Variants in HS3ST2 observed in about 807,000 individuals in gnomAD.
HS3ST2 encodes the protein heparan sulfate-glucosamine 3-sulfotransferase 2.
In HS3ST2, 17 loss-of-function variants were observed where a neutral mutation model predicts 26.3. That is an observed-to-expected ratio of 0.65 (90% confidence interval 0.44 to 0.97). HS3ST2 has a LOEUF of 0.97. Among genes scored for constraint, HS3ST2 ranks in the 50% least tolerant of loss-of-function variants. The probability of loss-of-function intolerance (pLI) is 0.00; values close to 1 mark genes in which losing one functional copy is unlikely to be tolerated. For synonymous variants in HS3ST2, 237 were observed against 219.2 expected, an observed-to-expected ratio of 1.08 and a Z score of -0.72; for missense variants, 402 against 501.2, an observed-to-expected ratio of 0.80 and a Z score of 1.89.
At chr16:22,829,486 T>A (rs1021589614) in intron 1 of HS3ST2, among the ~76,000 whole-genome samples, 5 of 151,888 alleles carry the variant, frequency 3.3e-5, no homozygotes, top group Non-Finnish European at 5.9e-5. Context: ...TAGCTTTTTT[T>A]TAAAAAGAAA....
At chr16:22,850,509 G>A (rs973587934) in intron 1 of HS3ST2, among the ~76,000 whole-genome samples, 4 of 152,022 alleles carry the variant, frequency 2.6e-5, no homozygotes, top group African/African-American at 7.2e-5. Context: ...CATATAAGTC[G>A]GGCGCAGTGG....
intron 1 of HS3ST2, among the ~76,000 whole-genome samples, chr16:22,825,175 C>T (rs1326413770): frequency 1.3e-5 from 2 of 152,196 alleles, no homozygotes; most frequent in African/African-American, 2.4e-5. Context: ...TGTGTGCCAA[C>T]CAGAGGCTTC....
At chr16:22,833,213 C>T (rs983029908) in intron 1 of HS3ST2, 12 of 455,898 alleles carry the variant, frequency 2.6e-5, no homozygotes, top group Middle Eastern at 3.2e-4. Flanking sequence ...ACAAGGCACC[C>T]CTGCATTCTT....
chr16:22,821,326 C>CATGCTTTGGTA (rs887205090), intron 1 of HS3ST2, among the ~76,000 whole-genome samples: 3 of 151,392 alleles, frequency 2.0e-5, no homozygotes, highest in East Asian at 3.9e-4. Context: ...CTATTACCTG[C>CATGCTTTGGTA]ATGCTTTGGT....
chr16:22,845,603 G>A (rs1473172976), intron 1 of HS3ST2, among the ~76,000 whole-genome samples: 2 of 151,858 alleles, frequency 1.3e-5, no homozygotes, highest in South Asian at 2.1e-4. Context: ...TGCCTGCCTC[G>A]GCCTCCCAAA....
intron 1 of HS3ST2, among the ~76,000 whole-genome samples, chr16:22,868,540 G>GT (rs1222500123): frequency 6.6e-6 from 1 of 151,188 alleles, no homozygotes; most frequent in East Asian, 2.0e-4. Flanking sequence ...TTATTTCCAT[G>GT]TATATCAGCT....
chr16:22,820,678 A>G (rs1285589810), intron 1 of HS3ST2, among the ~76,000 whole-genome samples: 2 of 152,254 alleles, frequency 1.3e-5, no homozygotes, highest in Admixed American at 6.5e-5. Context: ...GGTCCCTCTG[A>G]CAACATGTGG....
intron 1 of HS3ST2, among the ~76,000 whole-genome samples, chr16:22,868,405 CAAAAAAAAA>C (rs77630354): frequency 0.041 from 1,776 of 43,512 alleles, 53 homozygotes; most frequent in African/African-American, 0.13. Flanking sequence ...AAGACTCCAT[CAAAAAAAAA>C]AAAAAAAAAA....
intron 1 of HS3ST2, among the ~76,000 whole-genome samples, chr16:22,864,890 A>G (rs2141190714): frequency 6.7e-6 from 1 of 149,274 alleles, no homozygotes; most frequent in Non-Finnish European, 1.5e-5. Context: ...CACAAAAAAA[A>G]AAAAAAAAAA....
At chr16:22,839,346 G>A (rs912046445) in intron 1 of HS3ST2, among the ~76,000 whole-genome samples, 1 of 152,226 alleles carries the variant, frequency 6.6e-6, no homozygotes, top group African/African-American at 2.4e-5. Flanking sequence ...AAACCTGGAA[G>A]GAGTTCCTGA....
At chr16:22,842,597 C>T (rs1485256329) in intron 1 of HS3ST2, among the ~76,000 whole-genome samples, 1 of 152,086 alleles carries the variant, frequency 6.6e-6, no homozygotes, top group Non-Finnish European at 1.5e-5. Flanking sequence ...ATACATTTTG[C>T]TTCCACAATC....
At chr16:22,892,326 G>A (rs1282340280) in intron 1 of HS3ST2, among the ~76,000 whole-genome samples, 1 of 151,462 alleles carries the variant, frequency 6.6e-6, no homozygotes, top group Non-Finnish European at 1.5e-5. Context: ...TAGTAAAGTG[G>A]TATATTTTAT....
At chr16:22,914,736 C>CAAAAAAAA (rs1159639879) in intron 1 of HS3ST2, among the ~76,000 whole-genome samples, 17 of 35,942 alleles carry the variant, frequency 4.7e-4, no homozygotes, top group African/African-American at 1.1e-3. Context: ...GACCTTGTCT[C>CAAAAAAAA]AAAAAAAAAA....
intron 1 of HS3ST2, among the ~76,000 whole-genome samples, chr16:22,856,071 A>C (rs779524361): frequency 7.2e-5 from 11 of 152,206 alleles, no homozygotes; most frequent in Non-Finnish European, 1.2e-4. Context: ...TGGCACAAAT[A>C]ATAGACATAC....
At chr16:22,909,477 G>C (rs1277674814) in intron 1 of HS3ST2, among the ~76,000 whole-genome samples, 1 of 152,204 alleles carries the variant, frequency 6.6e-6, no homozygotes, top group Non-Finnish European at 1.5e-5. Flanking sequence ...CCCCAAGGAA[G>C]TCTAATCACG....
chr16:22,914,715 C>T (rs1370743289), intron 1 of HS3ST2, among the ~76,000 whole-genome samples: 5 of 108,284 alleles, frequency 4.6e-5, no homozygotes, highest in African/African-American at 1.1e-4. Flanking sequence ...TCAGCCTGGG[C>T]GACAGAGTGA....
At chr16:22,897,587 G>A (rs1423037376) in intron 1 of HS3ST2, among the ~76,000 whole-genome samples, 2 of 152,146 alleles carry the variant, frequency 1.3e-5, no homozygotes, top group East Asian at 1.9e-4. Flanking sequence ...CATCCTAAAC[G>A]ATGAAGTTGG....
intron 1 of HS3ST2, among the ~76,000 whole-genome samples, chr16:22,840,250 T>C (rs959430516): frequency 6.6e-6 from 1 of 152,222 alleles, no homozygotes; most frequent in Non-Finnish European, 1.5e-5. Context: ...CTCCAAGACT[T>C]CTTAAGATGA....
intron 1 of HS3ST2, among the ~76,000 whole-genome samples, chr16:22,908,198 G>A (rs1340143917): frequency 6.6e-6 from 1 of 152,174 alleles, no homozygotes; most frequent in Non-Finnish European, 1.5e-5. Flanking sequence ...ATGGTTTGGG[G>A]AGAGTTAGGA....
Sources: gnomAD v4.1 joint callset for allele counts (sites outside exome capture counted in the v4.1 genomes callset) on GRCh38, gnomAD v4.1.1 for gene constraint, MANE v1.5 for transcripts, NCBI Gene and HGNC (gene_info 2026-07-23, HGNC 2026-07-21) for gene names.